HIC1: variants seen among roughly 807,000 people sequenced by gnomAD.
HIC1 encodes HIC ZBTB transcriptional repressor 1.
Under a neutral mutation model 26.4 loss-of-function variants are expected in HIC1, and 9 were observed. The observed-to-expected ratio is 0.34, with a 90% confidence interval of 0.21 to 0.59. The LOEUF is 0.59. Among genes scored for constraint, HIC1 ranks in the 20% least tolerant of loss-of-function variants. The pLI is 0.82. For synonymous variants in HIC1, 631 were observed against 523.1 expected (o/e 1.21, Z -2.81); for missense variants, 965 against 1,075.7 (o/e 0.90, Z 1.44).
At chr17:2,056,393 G>T (rs1438164742) in intron 1 of HIC1, 1 of 1,587,196 alleles carries the variant, frequency 6.3e-7, no homozygotes, top group African/African-American at 1.3e-5. Flanking sequence ...TTTTCTTCTC[G>T]GAAGCCCCAG....
chr17:2,058,493 C>G lies in HIC1; in HGVS notation c.1803C>G (p.Gly601=). ...MKMHAVGGAA[G]AAGALAGLGG... is the part of the protein sequence containing the mutation. ...TGCACGCCGTGGGGGGCGCGGCCGG[C>G]GCGGCCGGGGCGCTGGCGGGCTTGG... is the stretch of plus-strand genomic sequence containing the variant. Residue 601 remains glycine, a synonymous_variant, in exon 2 of 2, where the codon GGC becomes GGG. Coordinates refer to ENST00000619757, the MANE Select transcript of HIC1 (RefSeq NM_006497.4). 1 of 1,479,202 alleles carries G rather than the reference C, an allele frequency of 6.8e-7. No homozygotes were observed. Among genetic ancestry groups the G allele is most frequent in the Middle Eastern group, 1.8e-4 (1 of 5,618 alleles). The allele number at this position is 1,479,202 out of a possible 1,614,324, so 91.6% of individuals were successfully genotyped here.
In HIC1 at chr17:2,061,322, C is replaced by G; in HGVS notation, c.*2487C>G. The stretch of plus-strand genomic sequence containing the variant: ...TTCCGCCCGATCCTTGGGAGGGGCT[C>G]TGTGAGGAGCAGGTCCCCCACAGCA... On this transcript the variant is annotated 3_prime_UTR_variant, in exon 2 of 2. Coordinates refer to ENST00000619757, the MANE Select transcript of HIC1 (RefSeq NM_006497.4). 1 of 660,430 alleles carries G rather than the reference C, an allele frequency of 1.5e-6. No homozygotes were observed. Among genetic ancestry groups the G allele is most frequent in the Non-Finnish European group, 2.5e-6 (1 of 398,048 alleles). The allele number at this position is 660,430 out of a possible 1,614,324, so 40.9% of individuals were successfully genotyped here.
At position 2,061,466 on chromosome 17, in the gene HIC1, G is replaced by GGA. The variant is rs770234882; in HGVS notation, c.*2632_*2633insAG. The stretch of plus-strand genomic sequence containing the variant: ...GGTGGCCTTTCAGGAACGGTTCCAC[G>GGA]GGGGGGGGGCCCCAGTGTGGCTCCC... On this transcript the variant is annotated 3_prime_UTR_variant, in exon 2 of 2. Coordinates refer to ENST00000619757, the MANE Select transcript of HIC1 (RefSeq NM_006497.4). The GGA allele has an allele frequency of 5.7e-6, 7 of 1,236,442 alleles. No homozygotes were observed. The highest frequency in any genetic ancestry group is 7.5e-6 in the Non-Finnish European group (7 of 935,806). The allele number at this position is 1,236,442 out of a possible 1,614,324, so 76.6% of individuals were successfully genotyped here. A position where few individuals can be genotyped will look rare whatever the true frequency, so the allele number is the denominator to read the frequency against.
In HIC1 at chr17:2,058,035, G is replaced by T. The variant is rs202115526; in HGVS notation, c.1345G>T (p.Gly449Cys). The T allele has an allele frequency of 4.4e-6, 7 of 1,592,634 alleles. No homozygotes were observed. The highest frequency in any genetic ancestry group is 1.1e-5 in the South Asian group (1 of 89,280). The change falls in exon 2 of 2, where the codon GGC becomes TGC. Residue 449 changes from glycine (G) to cysteine (C), a missense_variant. By Grantham distance (159) the Gly-to-Cys change is radical. Around this residue, in one of 6 missense-constraint regions of HIC1, gnomAD observed 105 missense variants for 101.4 expected, o/e 1.04. Coordinates refer to ENST00000619757, the MANE Select transcript of HIC1 (RefSeq NM_006497.4). ...AHVEEEEALY[G>C]RAEAAEVAAG... ...CGTGGAGGAGGAGGAAGCGCTGTAC[G>T]GCAGGGCCGAGGCGGCCGAAGTGGC...
rs2067673410 is a variant in HIC1 at position 2,056,454 on chromosome 17, C to G, written c.-20-217C>G. ...GCAGGCCGCCCTGGCCTCCCCTCCACCGGCGGCCGCTCACCTCCTGCTCCT... is the reference window on the plus strand; with the variant it reads ...GCAGGCCGCCCTGGCCTCCCCTCCAGCGGCGGCCGCTCACCTCCTGCTCCT... On this transcript the variant is annotated intron_variant, in intron 1 of 1. Transcript: ENST00000619757. 15 of 1,369,114 alleles carry G rather than the reference C, an allele frequency of 1.1e-5. No individual in the cohort carries two copies. The South Asian group carries it at 1.8e-4, about 16-fold the overall frequency. The allele number at this position is 1,369,114 out of a possible 1,614,324, so 84.8% of individuals were successfully genotyped here.
In HIC1 at chr17:2,059,224, T is replaced by G; in HGVS notation, c.*389T>G. On this transcript the variant is annotated 3_prime_UTR_variant, in exon 2 of 2. Coordinates refer to ENST00000619757, the MANE Select transcript of HIC1 (RefSeq NM_006497.4). ...CCTCCGGCCCTTGCGACCACACCCA[T>G]TCTCACTGTGAATCTCCCCGCTGGG... is the stretch of plus-strand genomic sequence containing the variant. 6 of 193,396 alleles carry G rather than the reference T, an allele frequency of 3.1e-5. No homozygotes were observed. The highest frequency in any genetic ancestry group is 1.4e-4 in the East Asian group (1 of 7,114). The allele number at this position is 193,396 out of a possible 1,614,324, so 12.0% of individuals were successfully genotyped here. A position where few individuals can be genotyped will look rare whatever the true frequency, so the allele number is the denominator to read the frequency against.
Position 2,058,598 on chromosome 17 carries a change from C to T in HIC1, c.1908C>T (p.Leu636=), listed in dbSNP as rs1390014131. 3 of 1,551,982 alleles carry T rather than the reference C, an allele frequency of 1.9e-6. No individual in the cohort carries two copies. The highest frequency in any genetic ancestry group is 2.8e-5 in the African/African-American group (2 of 70,756). ...AGGGCGTCTTTGCTGTGGCTCGCCTCACGGCCGAGCAGCTGAGCCTGAAGC... is the reference window on the plus strand; with the variant it reads ...AGGGCGTCTTTGCTGTGGCTCGCCTTACGGCCGAGCAGCTGAGCCTGAAGC... ...FPEGVFAVAR[L]TAEQLSLKQQ... The change falls in exon 2 of 2, where the codon CTC becomes CTT. Residue 636 remains leucine, a synonymous_variant. Transcript: ENST00000619757.
In HIC1 at chr17:2,059,055, A is replaced by T. The variant is rs1242646601; in HGVS notation, c.*220A>T. 5 of 473,354 alleles carry T rather than the reference A, an allele frequency of 1.1e-5. No homozygotes were observed. The highest frequency in any genetic ancestry group is 4.4e-5 in the Admixed American group (1 of 22,702). 29.3% of individuals were successfully genotyped at this position (473,354 alleles called of 1,614,324 possible). ...GGACGGGGGTGGGATGGGGTAAGGG[A>T]AATTTATATTTTTGATATCAGCTTT... On this transcript the variant is annotated 3_prime_UTR_variant, in exon 2 of 2. Transcript: ENST00000619757.
rs78720588 is a variant in HIC1 at position 2,061,712 on chromosome 17, G to T, written c.*2877G>T. Reference sequence around the variant, plus strand: ...TCACCCTGGAGAATGTGGTCCTGGGGAGGGGGTGCCACGCTAGCCGTGTCT... The same window carrying T: ...TCACCCTGGAGAATGTGGTCCTGGGTAGGGGGTGCCACGCTAGCCGTGTCT... On this transcript the variant is annotated 3_prime_UTR_variant, in exon 2 of 2. Transcript: ENST00000619757. 6,012 of 1,419,698 alleles carry T rather than the reference G, an allele frequency of 4.2e-3. 63 individuals carry two copies. The highest frequency in any genetic ancestry group is 0.026 in the African/African-American group (1,833 of 70,718). 87.9% of individuals were successfully genotyped at this position (1,419,698 alleles called of 1,614,324 possible). A position where few individuals can be genotyped will look rare whatever the true frequency, so the allele number is the denominator to read the frequency against.
At position 2,056,798 on chromosome 17, in the gene HIC1, C is replaced by G; in HGVS notation, c.108C>G (p.Asn36Lys). 3 of 1,612,798 alleles carry G rather than the reference C, an allele frequency of 1.9e-6. No homozygotes were observed. The highest frequency in any genetic ancestry group is 2.2e-5 in the East Asian group (1 of 44,876). Reference protein sequence around the residue: ...FLCDVIIVVQNALFRAHKNVL... With the variant: ...FLCDVIIVVQKALFRAHKNVL... ...GCGACGTGATCATCGTGGTGCAGAA[C>G]GCCCTCTTCCGCGCGCACAAGAACG... is the stretch of plus-strand genomic sequence containing the variant. The change falls in exon 2 of 2, where the codon AAC becomes AAG. Residue 36 changes from asparagine to lysine, a missense_variant. Coordinates refer to ENST00000619757, the MANE Select transcript of HIC1 (RefSeq NM_006497.4).
rs764804007 is a variant in HIC1 at position 2,058,778 on chromosome 17, C to T, written c.2088C>T (p.Gly696=). ...PDKAAEVLSQ[G]AHLAAGPDGR... is the part of the protein sequence containing the mutation. ...AGGCGGCCGAGGTGCTGAGCCAGGG[C>T]GCTCACCTGGCGGCCGGGCCCGACG... The change falls in exon 2 of 2, where the codon GGC becomes GGT. Residue 696 remains glycine (G), a synonymous_variant. Coordinates refer to ENST00000619757, the MANE Select transcript of HIC1 (RefSeq NM_006497.4). 1 of 1,513,354 alleles carries T rather than the reference C, an allele frequency of 6.6e-7. No individual in the cohort carries two copies. Among genetic ancestry groups the T allele is most frequent in the Admixed American group, 2.1e-5 (1 of 47,242 alleles). The allele number at this position is 1,513,354 out of a possible 1,614,324, so 93.7% of individuals were successfully genotyped here.
Position 2,058,224 on chromosome 17 carries a change from C to G in HIC1, c.1534C>G (p.Leu512Val), listed in dbSNP as rs767666852. 1 of 1,611,658 alleles carries G rather than the reference C, an allele frequency of 6.2e-7. No individual in the cohort carries two copies. Among genetic ancestry groups the G allele is most frequent in the East Asian group, 2.2e-5 (1 of 44,878 alleles). Residue 512 changes from leucine to valine, a missense_variant, in exon 2 of 2, where the codon CTG becomes GTG. Coordinates refer to ENST00000619757, the MANE Select transcript of HIC1 (RefSeq NM_006497.4). ...GCGGCAGCACGAGAAGACGCACTGG[C>G]TGACCCGGCCCTACCCATGCACCAT... ...TLRQHEKTHWLTRPYPCTICG... is the reference protein window; with the variant it reads ...TLRQHEKTHWVTRPYPCTICG...
rs566127095 is a variant in HIC1 at position 2,059,161 on chromosome 17, G to A, written c.*326G>A. The A allele has an allele frequency of 6.9e-6, 2 of 288,598 alleles. No individual in the cohort carries two copies. Among genetic ancestry groups the A allele is most frequent in the South Asian group, 2.2e-4 (2 of 9,180 alleles). The allele number at this position is 288,598 out of a possible 1,614,324, so 17.9% of individuals were successfully genotyped here. A position where few individuals can be genotyped will look rare whatever the true frequency, so the allele number is the denominator to read the frequency against. ...CCCCCGGCTCCGCGCTGCTCTTAGA[G>A]GGGGAGGGGTGTCACTGTCGGGGCA... On this transcript the variant is annotated 3_prime_UTR_variant, in exon 2 of 2. Coordinates refer to ENST00000619757, the MANE Select transcript of HIC1 (RefSeq NM_006497.4).
At position 2,055,573 on chromosome 17, in the gene HIC1, G is replaced by A. The variant is rs2067664181; in HGVS notation, c.-21+335G>A. ...GCCTGGCAGCGGCGGGTGGGGCATCGGCTAAGAGCTGCCACCGCCGCGGGG... is the reference window on the plus strand; with the variant it reads ...GCCTGGCAGCGGCGGGTGGGGCATCAGCTAAGAGCTGCCACCGCCGCGGGG... On this transcript the variant is annotated intron_variant, in intron 1 of 1. Transcript: ENST00000619757. This position sits in a 1 kb window ranked among gnomAD's most constrained non-coding sequence, Gnocchi z 6.4. Among the ~76,000 whole-genome samples, 2 of 150,788 alleles carry A rather than the reference G, an allele frequency of 1.3e-5. No homozygotes were observed. Among genetic ancestry groups the A allele is most frequent in the African/African-American group, 2.4e-5 (1 of 41,076 alleles).
rs1398267371 is a variant in HIC1, at chr17:2,058,228, C to T, written c.1538C>T (p.Thr513Ile). 2 of 1,611,772 alleles carry T rather than the reference C, an allele frequency of 1.2e-6. No individual in the cohort carries two copies. The highest frequency in any genetic ancestry group is 1.3e-5 in the African/African-American group (1 of 75,056). Residue 513 changes from threonine (T) to isoleucine (I), a missense_variant, in exon 2 of 2, where the codon ACC becomes ATC. This residue lies in a region of HIC1 where 105 missense variants were observed against 101.4 expected (regional missense o/e 1.04). Transcript: ENST00000619757. The part of the protein sequence containing the change: ...LRQHEKTHWL[T>I]RPYPCTICGK... ...CAGCACGAGAAGACGCACTGGCTGA[C>T]CCGGCCCTACCCATGCACCATCTGC...
Position 2,057,473 on chromosome 17 carries a change from G to A in HIC1, c.783G>A (p.Lys261=). Residue 261 remains lysine, a synonymous_variant, in exon 2 of 2, where the codon AAG becomes AAA. Transcript: ENST00000619757. ...SPPSAGPAAY[K]EPPLALPSLP... The stretch of plus-strand genomic sequence containing the variant: ...CCAGCGCCGGCCCCGCCGCCTACAA[G>A]GAGCCGCCTCTCGCCCTGCCGTCGC... The A allele has an allele frequency of 1.4e-6, 2 of 1,476,672 alleles. No individual in the cohort carries two copies. The highest frequency in any genetic ancestry group is 1.8e-6 in the Non-Finnish European group (2 of 1,120,810). 91.5% of individuals were successfully genotyped at this position (1,476,672 alleles called of 1,614,324 possible). A position where few individuals can be genotyped will look rare whatever the true frequency, so the allele number is the denominator to read the frequency against.
chr17:2,058,538 C>T lies in HIC1; in HGVS notation c.1848C>T (p.Pro616=), dbSNP rs762334020. 5.3e-6 allele frequency: 8 copies of T among 1,513,492 alleles called. No homozygotes were observed. The highest frequency in any genetic ancestry group is 4.3e-5 in the African/African-American group (3 of 69,460). The allele number at this position is 1,513,492 out of a possible 1,614,324, so 93.8% of individuals were successfully genotyped here. ...GCTTGGGGGGGCTCCCCGGCGTCCC[C>T]GGCCCCGACGGCAAGGGCAAGCTCG... ...LAGLGGLPGV[P]GPDGKGKLDF... The change falls in exon 2 of 2, where the codon CCC becomes CCT. Residue 616 remains proline (P), a synonymous_variant. Coordinates refer to ENST00000619757, the MANE Select transcript of HIC1 (RefSeq NM_006497.4).
In HIC1 at chr17:2,061,609, C is replaced by CCGGATTGG; in HGVS notation, c.*2776_*2783dup. ...TCAACAGCACCACCTCCCGCAGTAGCCGGATTGGCTCCTCTGTGGGCATGA... is the reference window on the plus strand; with the variant it reads ...TCAACAGCACCACCTCCCGCAGTAGCCGGATTGGCGGATTGGCTCCTCTGTGGGCATGA... On this transcript the variant is annotated 3_prime_UTR_variant, in exon 2 of 2. Transcript: ENST00000619757. 6.4e-7 allele frequency: 1 copy of CCGGATTGG among 1,572,206 alleles called. No individual in the cohort carries two copies. Among genetic ancestry groups the CCGGATTGG allele is most frequent in the African/African-American group, 1.4e-5 (1 of 73,888 alleles).
Position 2,061,782 on chromosome 17 carries a change from G to A in HIC1, c.*2947G>A, listed in dbSNP as rs1025965813. 1.5e-5 allele frequency: 12 copies of A among 818,530 alleles called. No homozygotes were observed. Among genetic ancestry groups the A allele is most frequent in the East Asian group, 1.4e-4 (5 of 35,824 alleles). 50.7% of individuals were successfully genotyped at this position (818,530 alleles called of 1,614,324 possible). On this transcript the variant is annotated 3_prime_UTR_variant, in exon 2 of 2. Coordinates refer to ENST00000619757, the MANE Select transcript of HIC1 (RefSeq NM_006497.4). Reference sequence around the variant, plus strand: ...TTCCTCCGTCCGGGCTCTCAGCCCCGGGGACCCTCCCCTGCTGGCCTAGAG... The same window carrying A: ...TTCCTCCGTCCGGGCTCTCAGCCCCAGGGACCCTCCCCTGCTGGCCTAGAG...
Sources: allele counts gnomAD v4.1 joint callset (sites outside exome capture counted in the v4.1 genomes callset), GRCh38; gene constraint gnomAD v4.1.1; regional missense constraint gnomAD v4.1.1; non-coding constraint Gnocchi (gnomAD v3.1); transcripts MANE v1.5; gene names NCBI Gene and HGNC (gene_info 2026-07-23, HGNC 2026-07-21).